The following ZNF385D variants were observed in gnomAD, a reference collection of about 807,000 sequenced individuals.
ZNF385D encodes zinc finger protein 659.
In ZNF385D, 15 loss-of-function variants were observed where a neutral mutation model predicts 35.8. The observed-to-expected ratio is 0.42, with a 90% CI of 0.28 to 0.64. ZNF385D has a LOEUF of 0.64. ZNF385D is among the 30% of genes least tolerant of loss of function. The pLI is 0.23. For missense variants in ZNF385D, 474 were observed against 494.6 expected (o/e 0.96, Z 0.39); for synonymous variants, 212 against 186.8 (o/e 1.13, Z -1.10).
intron 4 of ZNF385D, among the ~76,000 whole-genome samples, chr3:21,493,076 G>C (rs1043534276): frequency 6.6e-6 from 1 of 152,090 alleles, no homozygotes; most frequent in Admixed American, 6.5e-5. Flanking sequence ...ATCTATTCTT[G>C]CTAGAGCAAG....
At chr3:22,078,701 G>C (rs1163524419) in intron 3 of ZNF385D, among the ~76,000 whole-genome samples, 2 of 152,010 alleles carry the variant, frequency 1.3e-5, no homozygotes, top group East Asian at 3.9e-4. Context: ...TCTCAGGCAT[G>C]GCTATCAGGA....
intron 2 of ZNF385D, among the ~76,000 whole-genome samples, chr3:22,199,826 G>A (rs532752544): frequency 4.6e-5 from 7 of 152,120 alleles, no homozygotes; most frequent in South Asian, 2.1e-4. Flanking sequence ...TGGTGTATAC[G>A]TAAAATTTAT....
At chr3:21,595,491 T>TATATATGTATGTAATATATACATAG (rs1299914305) in intron 2 of ZNF385D, among the ~76,000 whole-genome samples, 4 of 143,922 alleles carry the variant, frequency 2.8e-5, no homozygotes, top group Admixed American at 6.8e-5. Context: ...GTTTATGTAA[T>TATATATGTATGTAATATATACATAG]ATATATGTAT....
chr3:21,441,531 G>A (rs145225446), intron 4 of ZNF385D, among the ~76,000 whole-genome samples: 3 of 152,180 alleles, frequency 2.0e-5, no homozygotes, highest in African/African-American at 7.2e-5. Context: ...CATGCTGAAA[G>A]ACAACATCTT....
intron 2 of ZNF385D, among the ~76,000 whole-genome samples, chr3:22,221,732 T>C (rs191165291): frequency 7.0e-4 from 107 of 152,272 alleles, no homozygotes; most frequent in Admixed American, 3.2e-3. Flanking sequence ...AAAACTAAAT[T>C]ACAGAGTATT....
At chr3:21,704,665 G>C (rs9860001) in intron 1 of ZNF385D, among the ~76,000 whole-genome samples, 1 of 151,680 alleles carries the variant, frequency 6.6e-6, no homozygotes, top group Non-Finnish European at 1.5e-5. Context: ...TGCACCACCA[G>C]GCCCAGCTAG....
At chr3:21,480,487 G>A (rs1704549478) in intron 4 of ZNF385D, among the ~76,000 whole-genome samples, 1 of 152,020 alleles carries the variant, frequency 6.6e-6, no homozygotes, top group Admixed American at 6.6e-5. Flanking sequence ...GGCAGTAAGG[G>A]TAAGGCCTCC....
intron 3 of ZNF385D, among the ~76,000 whole-genome samples, chr3:22,143,814 A>G (rs1394406591): frequency 6.6e-6 from 1 of 152,210 alleles, no homozygotes; most frequent in Non-Finnish European, 1.5e-5. Flanking sequence ...CAGCCCAGTA[A>G]AACTTTCTGA....
In ZNF385D at chr3:21,859,656, G is replaced by T. The variant is rs1004417621; in HGVS notation, c.326-194628C>A. On this transcript the variant is annotated intron_variant, in intron 3 of 5. Coordinates refer to the ZNF385D transcript ENST00000494108. Reference sequence around the variant, plus strand: ...TGCTGCTGAAACAACATTATTGCTGGCTGTGACTCCAAAGGCATTTTTTTT... The same window carrying T: ...TGCTGCTGAAACAACATTATTGCTGTCTGTGACTCCAAAGGCATTTTTTTT... Among the ~76,000 whole-genome samples the T allele has an allele frequency of 9.2e-5, 13 of 141,056 alleles. No individual in the cohort carries two copies. In the East Asian group the frequency reaches 2.6e-3, roughly 28 times the overall value. The allele number at this position is 141,056 out of a possible 152,430, so 92.5% of individuals were successfully genotyped here.
chr3:21,596,706 T>A (rs2064138278), intron 2 of ZNF385D, among the ~76,000 whole-genome samples: 1 of 151,622 alleles, frequency 6.6e-6, no homozygotes, highest in Non-Finnish European at 1.5e-5. Context: ...CTCAAACTCC[T>A]GGCCACAAGT....
At chr3:21,890,087 T>G (rs1265299031) in intron 3 of ZNF385D, among the ~76,000 whole-genome samples, 1 of 152,178 alleles carries the variant, frequency 6.6e-6, no homozygotes, top group African/African-American at 2.4e-5. Flanking sequence ...CAAATTCAGC[T>G]GTACTGTGGA....
intron 2 of ZNF385D, among the ~76,000 whole-genome samples, chr3:21,632,017 TAA>T (rs1446887227): frequency 6.6e-6 from 1 of 152,156 alleles, no homozygotes; most frequent in Non-Finnish European, 1.5e-5. Flanking sequence ...GAACATCCAG[TAA>T]AGATTTCCCT....
intron 3 of ZNF385D, among the ~76,000 whole-genome samples, chr3:21,516,431 C>G (rs1707566499): frequency 6.6e-6 from 1 of 151,974 alleles, no homozygotes; most frequent in South Asian, 2.1e-4. Context: ...GAGAAGTTAC[C>G]CTTTTTTTTA....
chr3:22,323,593 C>G (rs1311027405), intron 2 of ZNF385D, among the ~76,000 whole-genome samples: 1 of 152,030 alleles, frequency 6.6e-6, no homozygotes, highest in Non-Finnish European at 1.5e-5. Context: ...TTCTTATTTT[C>G]AATGGAAGTA....
At chr3:21,740,181 T>C (rs1321994229) in intron 1 of ZNF385D, among the ~76,000 whole-genome samples, 1 of 152,146 alleles carries the variant, frequency 6.6e-6, no homozygotes, top group Non-Finnish European at 1.5e-5. Flanking sequence ...CCATGCGGTG[T>C]CTTGTAGAAT....
At chr3:22,191,102 G>T (rs1695990215) in intron 2 of ZNF385D, among the ~76,000 whole-genome samples, 1 of 151,692 alleles carries the variant, frequency 6.6e-6, no homozygotes, top group African/African-American at 2.4e-5. Context: ...AACATAGGAA[G>T]TCCACAGCAG....
chr3:22,249,706 T>G (rs930312684), intron 2 of ZNF385D, among the ~76,000 whole-genome samples: 3 of 152,182 alleles, frequency 2.0e-5, no homozygotes, highest in Admixed American at 6.6e-5. Context: ...GACAAACCCT[T>G]TCAAAGCTCT....
chr3:22,025,706 G>A (rs1323458275), intron 3 of ZNF385D, among the ~76,000 whole-genome samples: 1 of 152,156 alleles, frequency 6.6e-6, no homozygotes, highest in Non-Finnish European at 1.5e-5. Context: ...TTAATGTAGA[G>A]GAAGGGATCC....
intron 3 of ZNF385D, among the ~76,000 whole-genome samples, chr3:22,030,765 T>C (rs1051754999): frequency 1.3e-5 from 2 of 152,120 alleles, no homozygotes; most frequent in Non-Finnish European, 2.9e-5. Context: ...AACATTCCTC[T>C]AAAGTCTTAA....
Sources: allele counts gnomAD v4.1 joint callset (sites outside exome capture counted in the v4.1 genomes callset), GRCh38; gene constraint gnomAD v4.1.1; transcripts MANE v1.5; gene names NCBI Gene and HGNC (gene_info 2026-07-23, HGNC 2026-07-21).